Variants in TSNAXIP1 observed in about 807,000 individuals in gnomAD.
The protein encoded by TSNAXIP1 is translin-associated factor X-interacting protein 1.
A neutral mutation model predicts 84.8 loss-of-function variants in TSNAXIP1; 89 were observed. The ratio of observed to expected loss-of-function variants is 1.05; its 90% confidence interval spans 0.88 to 1.25. The LOEUF is 1.25. Among genes scored for constraint, TSNAXIP1 ranks in the 50% most tolerant of loss-of-function variants. TSNAXIP1 has a pLI of 0.00. For missense variants in TSNAXIP1, 874 were observed against 887.6 expected, an observed-to-expected ratio of 0.98 and a Z score of 0.20; for synonymous variants, 347 against 335.2, an observed-to-expected ratio of 1.04 and a Z score of -0.39.
chr16:67,820,675 C>T (rs998042237), intron 2 of TSNAXIP1, among the ~76,000 whole-genome samples, 164 bp from the exon 3 acceptor site: 2 of 151,696 alleles, frequency 1.3e-5, no homozygotes, highest in South Asian at 2.1e-4. Context: ...ACCTGGGAGG[C>T]GAAGGTTGCA....
At chr16:67,825,380 A>G in intron 7 of TSNAXIP1, 108 bp downstream of exon 7, 13 of 1,467,268 alleles carry the variant, frequency 8.9e-6, no homozygotes, top group Non-Finnish European at 1.1e-5. Context: ...TGCTCATTCC[A>G]TAACCATTCA....
In TSNAXIP1 at chr16:67,827,878, AG is replaced by A; in HGVS notation, c.2026del (p.Glu676ArgfsTer22). ...CAGCTCCCTGAGTCGGAAATGCCAG[AG>A]GAGGGTGACGAGAAGGAAGAAGCCG... ...AFQLPESEMP[E>X]EGDEKEEAVV... On this transcript the variant is annotated frameshift_variant, in exon 16 of 16. Coordinates refer to ENST00000561639, the MANE Select transcript of TSNAXIP1 (RefSeq NM_001288990.3). LOFTEE classifies it low-confidence loss of function (END_TRUNC). The A allele has an allele frequency of 6.2e-7, 1 of 1,614,124 alleles. No individual in the cohort carries two copies. The highest frequency in any genetic ancestry group is 8.5e-7 in the Non-Finnish European group (1 of 1,180,034).
intron 4 of TSNAXIP1, 106 bp downstream of exon 4, chr16:67,821,331 A>G: frequency 6.3e-6 from 9 of 1,435,692 alleles, no homozygotes; most frequent in Non-Finnish European, 8.4e-6. Flanking sequence ...GCACTTTGGG[A>G]GGCCAAGGCG....
In TSNAXIP1 at chr16:67,826,079, G is replaced by C. The variant is rs1598106882; in HGVS notation, c.1144+3G>C. The C allele has an allele frequency of 1.9e-6, 3 of 1,613,392 alleles. No individual in the cohort carries two copies. In the East Asian group the frequency reaches 6.7e-5, roughly 36 times the overall value. On this transcript the variant is annotated splice_donor_region_variant and intron_variant, in intron 9 of 15. Coordinates refer to ENST00000561639, the MANE Select transcript of TSNAXIP1 (RefSeq NM_001288990.3). ...GCCTGACTGGACCAAGTGCAAAGGT[G>C]AGGGCAGCCGGCAGGGCCCCAGGTC...
chr16:67,808,466 C>T (rs1404528761), intron 1 of TSNAXIP1, among the ~76,000 whole-genome samples: 2 of 151,836 alleles, frequency 1.3e-5, no homozygotes, highest in East Asian at 1.9e-4. Context: ...CCCAGCTACT[C>T]GGGAGGCTGA....
chr16:67,820,022 G>A (rs2056911753), intron 2 of TSNAXIP1, among the ~76,000 whole-genome samples: 1 of 151,888 alleles, frequency 6.6e-6, no homozygotes, highest in East Asian at 1.9e-4. Context: ...GTTTCACTGT[G>A]TTAACCAGGA....
At position 67,827,480 on chromosome 16, in the gene TSNAXIP1, A is replaced by AG. The variant is rs2057551636; in HGVS notation, c.1802dup (p.Gln602ProfsTer3). ...ACTTGTGGCCCCTCCCAGGATGAGG[A>AG]GGGCCAGAGTGAGCCCTTTGTGCAA... On this transcript the variant is annotated frameshift_variant, in exon 15 of 16. Transcript: ENST00000561639. LOFTEE classifies it high-confidence loss of function. 1 of 1,614,026 alleles carries AG rather than the reference A, an allele frequency of 6.2e-7. No homozygotes were observed. Among genetic ancestry groups the AG allele is most frequent in the Admixed American group, 1.7e-5 (1 of 60,000 alleles).
Position 67,826,558 on chromosome 16 carries a change from A to G in TSNAXIP1, c.1397A>G (p.Glu466Gly). 6.2e-7 allele frequency: 1 copy of G among 1,614,150 alleles called. No homozygotes were observed. Among genetic ancestry groups the G allele is most frequent in the Non-Finnish European group, 8.5e-7 (1 of 1,180,006 alleles). ...KDAWKERLAE[E>G]QKETFPDFFF... ...GCCTGGAAGGAACGTCTTGCTGAGG[A>G]GCAGGTCAGATCTCACCAGCCACTC... The change falls in exon 11 of 16, where the codon GAG (glutamate) becomes GGG (glycine). Residue 466 changes from glutamate (E) to glycine (G), a missense_variant. Physicochemically the swap from Glu to Gly is moderately conservative, Grantham distance 98. Coordinates refer to ENST00000561639, the MANE Select transcript of TSNAXIP1 (RefSeq NM_001288990.3).
chr16:67,811,968 T>C (rs1429635709), intron 1 of TSNAXIP1, among the ~76,000 whole-genome samples: 1 of 152,178 alleles, frequency 6.6e-6, no homozygotes, highest in Non-Finnish European at 1.5e-5. Context: ...CCATGGACTA[T>C]AGCTGAGCAG....
intron 2 of TSNAXIP1, among the ~76,000 whole-genome samples, chr16:67,818,176 C>G (rs1365835966): frequency 6.6e-6 from 1 of 151,378 alleles, no homozygotes; most frequent in Non-Finnish European, 1.5e-5. Context: ...GCCACTGCAC[C>G]CCAGCCTGGG....
At chr16:67,811,405 A>G (rs1314280483) in intron 1 of TSNAXIP1, among the ~76,000 whole-genome samples, 1 of 149,342 alleles carries the variant, frequency 6.7e-6, no homozygotes, top group Non-Finnish European at 1.5e-5. Flanking sequence ...TTCCAGCATG[A>G]GCAAGAACAG....
At chr16:67,807,414 A>G in intron 1 of TSNAXIP1, 1 of 1,507,822 alleles carries the variant, frequency 6.6e-7, no homozygotes, top group Non-Finnish European at 8.9e-7. Flanking sequence ...TACTAGTAAC[A>G]ACCAGCTTGT....
At position 67,826,575 on chromosome 16, in the gene TSNAXIP1, C is replaced by T. The variant is rs768983845; in HGVS notation, c.1401+13C>T. 106 of 1,613,954 alleles carry T rather than the reference C, an allele frequency of 6.6e-5. No individual in the cohort carries two copies. The highest frequency in any genetic ancestry group is 8.6e-5 in the Non-Finnish European group (102 of 1,179,972). On this transcript the variant is annotated intron_variant, in intron 11 of 15. Transcript: ENST00000561639. ...TGCTGAGGAGCAGGTCAGATCTCAC[C>T]AGCCACTCTGGCCCAGCATGGTCTT...
chr16:67,812,817 C>T (rs950850046), intron 1 of TSNAXIP1, among the ~76,000 whole-genome samples: 1 of 152,058 alleles, frequency 6.6e-6, no homozygotes, highest in African/African-American at 2.4e-5. Context: ...CACTATGTTG[C>T]TCAGGCTCAT....
chr16:67,819,493 C>A (rs1194785259), intron 2 of TSNAXIP1, among the ~76,000 whole-genome samples: 1 of 151,960 alleles, frequency 6.6e-6, no homozygotes, highest in East Asian at 1.9e-4. Context: ...ATCTGCCCAC[C>A]TTGGCCTCAA....
At position 67,825,961 on chromosome 16, in the gene TSNAXIP1, T is replaced by C. The variant is rs372965950; in HGVS notation, c.1029T>C (p.His343=). 1.5e-5 allele frequency: 24 copies of C among 1,613,898 alleles called. 1 individual carries two copies. In the South Asian group the frequency reaches 2.1e-4, roughly 14 times the overall value. The change falls in exon 9 of 16, where the codon CAT becomes CAC. Residue 343 remains histidine, a synonymous_variant. Transcript: ENST00000561639. ...GCTACGAGGAGGTTCGCAAGGAGCA[T>C]GAGATCCTCATGCAGCTGCACATGA... is the stretch of plus-strand genomic sequence containing the variant. ...RASYEEVRKE[H]EILMQLHMST... is the part of the protein sequence containing the mutation.
Position 67,821,122 on chromosome 16 carries a change from G to A in TSNAXIP1, c.284G>A (p.Arg95His), listed in dbSNP as rs183187977. The stretch of plus-strand genomic sequence containing the variant: ...AGGAGCTGCCAGCAGCACCCCTTTC[G>A]CACTGCCAAGCCCCAGTACTTGGAG... The part of the protein sequence containing the change: ...RVGSCQQHPF[R>H]TAKPQYLEEL... Residue 95 changes from arginine to histidine, a missense_variant, in exon 4 of 16, where the codon CGC (arginine) becomes CAC (histidine). Coordinates refer to ENST00000561639, the MANE Select transcript of TSNAXIP1 (RefSeq NM_001288990.3). 46 of 1,613,060 alleles carry A rather than the reference G, an allele frequency of 2.9e-5. No individual in the cohort carries two copies. Among genetic ancestry groups the A allele is most frequent in the South Asian group, 4.4e-5 (4 of 90,956 alleles).
intron 1 of TSNAXIP1, among the ~76,000 whole-genome samples, chr16:67,813,669 T>C (rs996253935): frequency 6.9e-6 from 1 of 145,154 alleles, no homozygotes; most frequent in African/African-American, 2.6e-5. Flanking sequence ...GAGATGGAGG[T>C]TGCAGTGAGC....
chr16:67,811,736 G>C (rs185997001), intron 1 of TSNAXIP1, among the ~76,000 whole-genome samples: 1 of 151,864 alleles, frequency 6.6e-6, no homozygotes, highest in South Asian at 2.1e-4. Flanking sequence ...GCCACTGCAC[G>C]GCGAATAATA....
Sources: allele counts gnomAD v4.1 joint callset (sites outside exome capture counted in the v4.1 genomes callset), GRCh38; gene constraint gnomAD v4.1.1; transcripts MANE v1.5; gene names NCBI Gene and HGNC (gene_info 2026-07-23, HGNC 2026-07-21).